The following MYO1B variants were observed in gnomAD, a reference collection of about 807,000 sequenced individuals.
MYO1B encodes the protein myosin IB.
In MYO1B, 72 loss-of-function variants were observed where a neutral mutation model predicts 159.7. The ratio of observed to expected loss-of-function variants is 0.45; its 90% CI spans 0.37 to 0.55. The LOEUF (loss-of-function observed/expected upper bound fraction) is 0.55. Ranked by LOEUF, MYO1B falls within the 20% of genes least tolerant of loss-of-function variation. The probability of loss-of-function intolerance (pLI) is 0.00; values close to 1 mark genes in which losing one functional copy is unlikely to be tolerated. For missense variants in MYO1B, 1,062 were observed against 1,364.8 expected (o/e 0.78, Z 3.50); for synonymous variants, 468 against 473.8 (o/e 0.99, Z 0.16).
intron 24 of MYO1B, among the ~76,000 whole-genome samples, chr2:191,404,108 A>G (rs1185294097): frequency 6.6e-6 from 1 of 152,188 alleles, no homozygotes; most frequent in African/African-American, 2.4e-5. Flanking sequence ...GAATATAATA[A>G]TTTTGTACTT....
chr2:191,396,424 T>C lies in MYO1B; in HGVS notation c.2227-5T>C. The C allele has an allele frequency of 6.2e-7, 1 of 1,614,070 alleles. No individual in the cohort carries two copies. On this transcript the variant is annotated splice_region_variant and splice_polypyrimidine_tract_variant and intron_variant, in intron 20 of 30. Transcript: ENST00000392318. ...CTGCCAATATCTTCCCCTTTTATCC[T>C]ACAGCAACAAAAGAGGTACCAGCAG...
At chr2:191,259,206 T>TA (rs1686649023) in intron 1 of MYO1B, among the ~76,000 whole-genome samples, 1 of 152,220 alleles carries the variant, frequency 6.6e-6, no homozygotes, top group Non-Finnish European at 1.5e-5. Context: ...TTGAAAGAAT[T>TA]AATCAATTTT....
intron 19 of MYO1B, among the ~76,000 whole-genome samples, chr2:191,392,579 A>G (rs551260654): frequency 6.6e-6 from 1 of 152,304 alleles, no homozygotes; most frequent in South Asian, 2.1e-4. Context: ...GAAAGCACTA[A>G]AATGAAAATT....
At position 191,381,545 on chromosome 2, in the gene MYO1B, G is replaced by A. The variant is rs916051126; in HGVS notation, c.1269G>A (p.Glu423=). 6.2e-7 allele frequency: 1 copy of A among 1,611,904 alleles called. No homozygotes were observed. The highest frequency in any genetic ancestry group is 8.5e-7 in the Non-Finnish European group (1 of 1,178,648). ...QIFIELTLKE[E]QEEYIREDIE... is the part of the protein sequence containing the mutation. Reference sequence around the variant, plus strand: ...TCATTGAACTTACTCTTAAAGAAGAGCAGGAGGAGTATATACGGGAGGTAA... The same window carrying A: ...TCATTGAACTTACTCTTAAAGAAGAACAGGAGGAGTATATACGGGAGGTAA... Residue 423 remains glutamate (E), a synonymous_variant, in exon 14 of 31, where the codon GAG becomes GAA. Coordinates refer to ENST00000392318, the MANE Select transcript of MYO1B (RefSeq NM_001130158.3).
intron 13 of MYO1B, among the ~76,000 whole-genome samples, chr2:191,371,809 A>T (rs1460005912): frequency 9.9e-5 from 15 of 152,162 alleles, no homozygotes; most frequent in Non-Finnish European, 1.5e-5. Context: ...TGCTTCGTAG[A>T]TGGAAGTGTG....
At position 191,368,841 on chromosome 2, in the gene MYO1B, G is replaced by A. The variant is rs577825522; in HGVS notation, c.1033-701G>A. Among the ~76,000 whole-genome samples, 13 of 152,178 alleles carry A rather than the reference G, an allele frequency of 8.5e-5. 1 individual carries two copies. The highest frequency in any genetic ancestry group is 4.6e-4 in the Admixed American group (7 of 15,286). On this transcript the variant is annotated intron_variant, in intron 11 of 30. Coordinates refer to ENST00000392318, the MANE Select transcript of MYO1B (RefSeq NM_001130158.3). ...ATACAAAAATTAGCCACGCGTGGTG[G>A]CACACACGTGTAGTCCCAGTCACTC...
chr2:191,326,820 G>GCGCA (rs141682089), intron 3 of MYO1B, among the ~76,000 whole-genome samples: 22 of 149,570 alleles, frequency 1.5e-4, no homozygotes, highest in Admixed American at 1.5e-3. Flanking sequence ...GTGTGTGCGC[G>GCGCA]CGCCATATAT....
intron 1 of MYO1B, among the ~76,000 whole-genome samples, chr2:191,255,934 C>T (rs945878865): frequency 3.9e-5 from 6 of 152,188 alleles, no homozygotes; most frequent in Non-Finnish European, 8.8e-5. Flanking sequence ...AAGAAGACTG[C>T]TCTGCCCTTC....
intron 21 of MYO1B, 142 bp from the exon 22 acceptor site, chr2:191,400,240 G>C (rs1696523648): frequency 2.3e-6 from 2 of 856,490 alleles, no homozygotes; most frequent in Non-Finnish European, 3.9e-6. Flanking sequence ...TTTGGGGCTA[G>C]TCACCTTCGC....
At chr2:191,410,371 G>T (rs1230690775) in intron 26 of MYO1B, among the ~76,000 whole-genome samples, 1 of 152,104 alleles carries the variant, frequency 6.6e-6, no homozygotes, top group Non-Finnish European at 1.5e-5. Context: ...ACCTGTAACT[G>T]AATTTCTAGG....
chr2:191,381,039 G>C, intron 13 of MYO1B: 1 of 290,356 alleles, frequency 3.4e-6, no homozygotes, highest in Admixed American at 4.7e-5. Flanking sequence ...TCTGTCCCTG[G>C]ATGGGGACAA....
chr2:191,341,881 T>C (rs893973981), intron 5 of MYO1B, among the ~76,000 whole-genome samples: 8 of 152,114 alleles, frequency 5.3e-5, no homozygotes, highest in African/African-American at 1.9e-4. Flanking sequence ...CAGTGCTGTT[T>C]TATTATTCAG....
At chr2:191,311,415 T>G (rs1404759085) in intron 3 of MYO1B, among the ~76,000 whole-genome samples, 1 of 152,206 alleles carries the variant, frequency 6.6e-6, no homozygotes, top group Admixed American at 6.5e-5. Context: ...CCGGAGGGTT[T>G]CATTTTTACT....
chr2:191,416,712 G>C (rs1697593038), intron 30 of MYO1B, among the ~76,000 whole-genome samples: 1 of 152,066 alleles, frequency 6.6e-6, no homozygotes, highest in African/African-American at 2.4e-5. Context: ...TACTCAAGAG[G>C]CTGAGGCAGG....
rs1175598406 is a variant in MYO1B at position 191,408,947 on chromosome 2, TCTA to T, written c.2632-93_2632-91del. ...CTATAAATTCCAAAGTTAAATAAAT[TCTA>T]CTATTGTCTCGTTTATTTGATCATG... is the stretch of plus-strand genomic sequence containing the variant. On this transcript the variant is annotated intron_variant, in intron 25 of 30. Coordinates refer to ENST00000392318, the MANE Select transcript of MYO1B (RefSeq NM_001130158.3). The T allele has an allele frequency of 8.6e-6, 11 of 1,278,848 alleles. No homozygotes were observed. The East Asian group carries it at 1.5e-4, about 18-fold the overall frequency. 79.2% of individuals were successfully genotyped at this position (1,278,848 alleles called of 1,614,324 possible).
chr2:191,375,241 A>T (rs1459558829), intron 13 of MYO1B, among the ~76,000 whole-genome samples: 2 of 152,236 alleles, frequency 1.3e-5, no homozygotes, highest in East Asian at 3.8e-4. Flanking sequence ...AAATAAAAAA[A>T]TCTAATACTT....
At chr2:191,292,416 A>C (rs541970460) in intron 2 of MYO1B, among the ~76,000 whole-genome samples, 1 of 152,334 alleles carries the variant, frequency 6.6e-6, no homozygotes, top group Admixed American at 6.5e-5. Flanking sequence ...AACAGCTCGA[A>C]GCAGTGAGGC....
At chr2:191,248,539 T>C (rs1357387699) in intron 1 of MYO1B, among the ~76,000 whole-genome samples, 1 of 152,176 alleles carries the variant, frequency 6.6e-6, no homozygotes, top group Non-Finnish European at 1.5e-5. Context: ...GACTGGGAGC[T>C]GCGGCTCGCT....
intron 1 of MYO1B, among the ~76,000 whole-genome samples, chr2:191,259,969 T>TA (rs1458470106): frequency 6.6e-6 from 1 of 152,030 alleles, no homozygotes; most frequent in African/African-American, 2.4e-5. Context: ...CATGGGCAGC[T>TA]ACGTGTGGTG....
Sources: gnomAD v4.1 joint callset for allele counts (sites outside exome capture counted in the v4.1 genomes callset) on GRCh38, gnomAD v4.1.1 for gene constraint, MANE v1.5 for transcripts, NCBI Gene and HGNC (gene_info 2026-07-23, HGNC 2026-07-21) for gene names.